Variants in CYP2J2 observed in about 807,000 individuals in gnomAD.
The protein encoded by CYP2J2 is cytochrome P450 family 2 subfamily J member 2.
Under a neutral mutation model 48.8 loss-of-function variants are expected in CYP2J2, and 41 were observed. The ratio of observed to expected loss-of-function variants is 0.84; its 90% CI spans 0.66 to 1.09. The LOEUF is 1.09. Among genes scored for constraint, CYP2J2 ranks in the 50% least tolerant of loss-of-function variants. The pLI is 0.00. For synonymous variants in CYP2J2, 221 were observed against 227.1 expected, an observed-to-expected ratio of 0.97 and a Z score of 0.24; for missense variants, 644 against 617.3, an observed-to-expected ratio of 1.04 and a Z score of -0.46.
intron 8 of CYP2J2, among the ~76,000 whole-genome samples, chr1:59,896,728 A>G (rs1054066796): frequency 6.6e-5 from 10 of 152,112 alleles, no homozygotes; most frequent in African/African-American, 2.2e-4. Context: ...TTAGTAGCTT[A>G]CTTTCTCCCT....
intron 7 of CYP2J2, 66 bp from the exon 8 acceptor site, chr1:59,901,169 T>G: frequency 1.3e-6 from 2 of 1,557,458 alleles, no homozygotes; most frequent in Non-Finnish European, 1.8e-6. Context: ...TGCAGAGGGG[T>G]GGTCATCCTC....
At chr1:59,949,709 T>G in the CYP2J2 span, among the ~76,000 whole-genome samples, 1 of 151,928 alleles carries the variant, frequency 6.6e-6, no homozygotes. Flanking sequence ...AGCTTTTTTT[T>G]TTTTTTTTTA....
chr1:59,934,734 T>C, the CYP2J2 span, among the ~76,000 whole-genome samples: 1 of 151,582 alleles, frequency 6.6e-6, no homozygotes, highest in Non-Finnish European at 1.5e-5. Flanking sequence ...ATGGAGAAAA[T>C]AGAATCCTTG....
intron 1 of CYP2J2, among the ~76,000 whole-genome samples, chr1:59,922,970 A>G (rs1343949518): frequency 6.6e-6 from 1 of 152,158 alleles, no homozygotes; most frequent in Non-Finnish European, 1.5e-5. Context: ...TGAGTCTGTG[A>G]GCTGAATTGC....
chr1:59,916,714 CAG>C (rs1351959270), intron 1 of CYP2J2, among the ~76,000 whole-genome samples: 9 of 152,256 alleles, frequency 5.9e-5, no homozygotes, highest in Non-Finnish European at 1.2e-4. Flanking sequence ...ACTTGGGTGA[CAG>C]AGTGAAAGCC....
intron 1 of CYP2J2, among the ~76,000 whole-genome samples, chr1:59,926,086 C>CT (rs1644561183): frequency 6.6e-6 from 1 of 152,076 alleles, no homozygotes; most frequent in Admixed American, 6.6e-5. Flanking sequence ...AGTGAGAGTG[C>CT]ACTGCAAGGG....
At chr1:59,968,195 GAA>G in the CYP2J2 span, among the ~76,000 whole-genome samples, 32 of 152,224 alleles carry the variant, frequency 2.1e-4, no homozygotes, top group African/African-American at 7.2e-4. Flanking sequence ...TCCTTTCCCA[GAA>G]AAGTTTCTTT....
the CYP2J2 span, among the ~76,000 whole-genome samples, chr1:59,957,370 A>C: frequency 6.6e-6 from 1 of 152,136 alleles, no homozygotes; most frequent in African/African-American, 2.4e-5. Context: ...GGCTATTTCT[A>C]TATTGTAAAC....
chr1:59,935,027 T>TATATAC, the CYP2J2 span, among the ~76,000 whole-genome samples: 2 of 100,148 alleles, frequency 2.0e-5, no homozygotes, highest in South Asian at 2.9e-4. Flanking sequence ...TATATATATA[T>TATATAC]ATATATATAT....
At chr1:59,926,903 C>T (rs908302801), upstream of CYP2J2, 9 of 664,944 alleles carry the variant, frequency 1.4e-5, no homozygotes, top group South Asian at 9.6e-5. Context: ...CCCGGGAGGA[C>T]ACGCACCGGT....
rs1414249105 is a variant in CYP2J2 at position 59,926,656 on chromosome 1, C to G, written c.91G>C (p.Ala31Pro). 8 of 1,614,210 alleles carry G rather than the reference C, an allele frequency of 5.0e-6. No individual in the cohort carries two copies. In the South Asian group the frequency reaches 6.6e-5, roughly 13 times the overall value. ...LLLGTVAFLL[A>P]ADFLKRRRPK... Reference sequence around the variant, plus strand: ...CGCCGTCTTTTGAGAAAGTCAGCAGCGAGCAGAAAGGCGACAGTGCCCAGT... The same window carrying G: ...CGCCGTCTTTTGAGAAAGTCAGCAGGGAGCAGAAAGGCGACAGTGCCCAGT... Residue 31 changes from alanine (A) to proline (P), a missense_variant, in exon 1 of 9, where the codon GCT becomes CCT. Ala to Pro is a conservative substitution (Grantham distance 27). Coordinates refer to ENST00000371204, the MANE Select transcript of CYP2J2 (RefSeq NM_000775.4).
At chr1:59,931,466 G>A (rs1245700881), upstream of CYP2J2, among the ~76,000 whole-genome samples, 1 of 151,918 alleles carries the variant, frequency 6.6e-6, no homozygotes, top group Non-Finnish European at 1.5e-5. Context: ...TTGACATTGT[G>A]TACATTTTTT....
At chr1:59,904,485 A>C (rs1328091863) in intron 7 of CYP2J2, 1 of 159,940 alleles carries the variant, frequency 6.3e-6, no homozygotes, top group Non-Finnish European at 1.4e-5. Context: ...AATTTCCCAA[A>C]GTTTGGCAGA....
chr1:59,918,000 C>G (rs1332160807), intron 1 of CYP2J2, among the ~76,000 whole-genome samples: 1 of 152,192 alleles, frequency 6.6e-6, no homozygotes. Flanking sequence ...ACATTAAAGT[C>G]CAAGCCTGAA....
At chr1:59,923,804 G>A (rs992601607) in intron 1 of CYP2J2, among the ~76,000 whole-genome samples, 4 of 152,120 alleles carry the variant, frequency 2.6e-5, no homozygotes, top group African/African-American at 4.8e-5. Context: ...TCAAGAACTC[G>A]TGGCACAACA....
At chr1:59,926,209 CAGAA>C (rs893550416) in intron 1 of CYP2J2, among the ~76,000 whole-genome samples, 2 of 152,004 alleles carry the variant, frequency 1.3e-5, no homozygotes, top group Admixed American at 6.6e-5. Flanking sequence ...TGAAGTTTCT[CAGAA>C]AGAAAGTATA....
chr1:59,919,880 A>C (rs2102135663), intron 1 of CYP2J2, among the ~76,000 whole-genome samples: 1 of 152,214 alleles, frequency 6.6e-6, no homozygotes, highest in East Asian at 1.9e-4. Flanking sequence ...CTTTTATGAG[A>C]TGCTTAAGAG....
chr1:59,909,613 G>T (rs1257992694), intron 5 of CYP2J2, among the ~76,000 whole-genome samples, 171 bp downstream of exon 5: 1 of 152,186 alleles, frequency 6.6e-6, no homozygotes, highest in African/African-American at 2.4e-5. Flanking sequence ...AACCTTATCT[G>T]TAACCCAGTG....
At chr1:59,962,480 C>G in the CYP2J2 span, among the ~76,000 whole-genome samples, 5 of 152,098 alleles carry the variant, frequency 3.3e-5, no homozygotes, top group African/African-American at 1.2e-4. Context: ...GGGAAAAATA[C>G]CACTTAGAGT....
Sources: allele counts gnomAD v4.1 joint callset (sites outside exome capture counted in the v4.1 genomes callset), GRCh38; gene constraint gnomAD v4.1.1; transcripts MANE v1.5; gene names NCBI Gene and HGNC (gene_info 2026-07-23, HGNC 2026-07-21).